PLBD1: variants seen among roughly 807,000 people sequenced by gnomAD.
The protein encoded by PLBD1 is phospholipase B domain containing 1.
Under a neutral mutation model 63.0 loss-of-function variants are expected in PLBD1, and 60 were observed. The ratio of observed to expected loss-of-function variants is 0.95; its 90% CI spans 0.77 to 1.18. PLBD1 has a LOEUF of 1.18. Among genes scored for constraint, PLBD1 ranks in the 50% most tolerant of loss-of-function variants. The pLI, the probability that PLBD1 is intolerant of heterozygous loss-of-function variation, is 0.00. For missense variants in PLBD1, 598 were observed against 677.9 expected (o/e 0.88, Z 1.31); for synonymous variants, 262 against 248.0 (o/e 1.06, Z -0.53).
intron 6 of PLBD1, among the ~76,000 whole-genome samples, chr12:14,535,112 A>C (rs1168657358): frequency 6.6e-6 from 1 of 152,240 alleles, no homozygotes; most frequent in Non-Finnish European, 1.5e-5. Context: ...TAGCACATAC[A>C]GTATCCAGTA....
intron 4 of PLBD1, among the ~76,000 whole-genome samples, chr12:14,540,376 T>C (rs1945562397): frequency 6.6e-6 from 1 of 151,888 alleles, no homozygotes; most frequent in African/African-American, 2.4e-5. Context: ...TGTGTGGATA[T>C]GTGTTTATGT....
chr12:14,507,668 A>G (rs951771678), intron 8 of PLBD1, among the ~76,000 whole-genome samples: 5 of 152,100 alleles, frequency 3.3e-5, no homozygotes, highest in Non-Finnish European at 7.4e-5. Context: ...TTTTTGAAAG[A>G]CGTCAATGGG....
In PLBD1 at chr12:14,511,347, G is replaced by C. The variant is rs778824843; in HGVS notation, c.1099C>G (p.His367Asp). 6.2e-7 allele frequency: 1 copy of C among 1,613,280 alleles called. No homozygotes were observed. The highest frequency in any genetic ancestry group is 8.5e-7 in the Non-Finnish European group (1 of 1,179,502). The change falls in exon 8 of 11, where the codon CAC (histidine) becomes GAC (aspartate). Residue 367 changes from histidine to aspartate, a missense_variant. By Grantham distance (81) the His-to-Asp change is moderately conservative. Transcript: ENST00000240617. ...VLDLKKVKLNHSLDKGTLYIV... is the reference protein window; with the variant it reads ...VLDLKKVKLNDSLDKGTLYIV... ...TACAGAGTGCCTTTGTCAAGACTGT[G>C]GTTCAGCTTTACTTTCTTCAGGTCC...
chr12:14,542,165 C>T (rs1592005243), intron 3 of PLBD1, 43 bp downstream of exon 3: 1 of 1,502,984 alleles, frequency 6.7e-7, no homozygotes, highest in Non-Finnish European at 9.2e-7. Context: ...TTCAGTGCCT[C>T]CAACATTTAA....
At chr12:14,506,847 C>T (rs1280800402) in intron 9 of PLBD1, 86 bp downstream of exon 9, 2 of 1,203,584 alleles carry the variant, frequency 1.7e-6, no homozygotes, top group South Asian at 1.5e-5. Flanking sequence ...CCTTCTAGTA[C>T]AGAGATGATA....
At chr12:14,513,187 T>C (rs1945311667) in intron 6 of PLBD1, among the ~76,000 whole-genome samples, 1 of 152,212 alleles carries the variant, frequency 6.6e-6, no homozygotes, top group South Asian at 2.1e-4. Context: ...TTTTGATATC[T>C]GACAAGGAAA....
chr12:14,566,893 G>A (rs1472599445), intron 1 of PLBD1, among the ~76,000 whole-genome samples: 1 of 151,646 alleles, frequency 6.6e-6, no homozygotes, highest in East Asian at 1.9e-4. Flanking sequence ...TCAGGCGTTC[G>A]AGACCAGCCT....
intron 10 of PLBD1, 66 bp from the exon 11 acceptor site, chr12:14,504,020 C>T (rs1945227750): frequency 2.1e-6 from 3 of 1,425,468 alleles, no homozygotes; most frequent in Non-Finnish European, 2.9e-6. Context: ...AATCCATGGC[C>T]TTCCCCACTC....
chr12:14,516,454 GGT>G (rs1945337602), intron 6 of PLBD1, among the ~76,000 whole-genome samples: 1 of 152,150 alleles, frequency 6.6e-6, no homozygotes, highest in African/African-American at 2.4e-5. Context: ...ATGCTAGGAT[GGT>G]CTAGGGTGCT....
intron 1 of PLBD1, chr12:14,554,351 G>C (rs1945684143): frequency 6.6e-6 from 1 of 152,084 alleles, no homozygotes; most frequent in Non-Finnish European, 1.5e-5. Context: ...CTCGGCAGTA[G>C]CTTCTCCCCC....
intron 2 of PLBD1, among the ~76,000 whole-genome samples, chr12:14,545,594 C>T (rs1945610850): frequency 2.6e-5 from 4 of 152,168 alleles, no homozygotes; most frequent in Admixed American, 6.5e-5. Flanking sequence ...TGATGCTTTT[C>T]ACTGATGTAG....
intron 6 of PLBD1, among the ~76,000 whole-genome samples, chr12:14,520,393 A>G (rs922421607): frequency 2.0e-5 from 3 of 152,244 alleles, no homozygotes; most frequent in Non-Finnish European, 2.9e-5. Context: ...GAGGAAGGAC[A>G]TTGGTTGCTG....
chr12:14,551,602 C>T (rs1460184965), intron 2 of PLBD1, among the ~76,000 whole-genome samples: 1 of 152,114 alleles, frequency 6.6e-6, no homozygotes, highest in Non-Finnish European at 1.5e-5. Flanking sequence ...TGTCAAAGCC[C>T]ACTAAATCTC....
At chr12:14,520,487 A>G (rs1945366410) in intron 6 of PLBD1, among the ~76,000 whole-genome samples, 1 of 147,060 alleles carries the variant, frequency 6.8e-6, no homozygotes, top group South Asian at 2.1e-4. Context: ...AAAGTAAAAC[A>G]AGTGACTTCA....
At chr12:14,535,549 T>C (rs2136920177) in intron 6 of PLBD1, 110 bp downstream of exon 6, 2 of 1,182,172 alleles carry the variant, frequency 1.7e-6, no homozygotes, top group Non-Finnish European at 1.2e-6. Flanking sequence ...TTTGTTAATA[T>C]ATACTAACCA....
intron 1 of PLBD1, among the ~76,000 whole-genome samples, chr12:14,555,757 C>T (rs746499192): frequency 6.6e-6 from 1 of 152,174 alleles, no homozygotes; most frequent in Non-Finnish European, 1.5e-5. Flanking sequence ...TGGTTAGCCA[C>T]CTAGCAATCT....
chr12:14,558,329 G>A (rs1413482632), intron 1 of PLBD1, among the ~76,000 whole-genome samples: 1 of 152,096 alleles, frequency 6.6e-6, no homozygotes, highest in African/African-American at 2.4e-5. Flanking sequence ...AATAAACTGC[G>A]GGTGACAAAT....
chr12:14,540,813 T>C lies in PLBD1; in HGVS notation c.509A>G (p.Asp170Gly), dbSNP rs1194430397. Residue 170 changes from aspartate (D) to glycine (G), a missense_variant, in exon 4 of 11, where the codon GAT becomes GGT. Coordinates refer to ENST00000240617, the MANE Select transcript of PLBD1 (RefSeq NM_024829.6). ...RHTGYVMAQI[D>G]GLYVGAKKRA... ...CTTCTTTGCTCCTACATAGAGGCCA[T>C]CTATTTGTGCCATCACATAGCCTGT... 3 of 1,610,866 alleles carry C rather than the reference T, an allele frequency of 1.9e-6. No homozygotes were observed. The highest frequency in any genetic ancestry group is 2.5e-6 in the Non-Finnish European group (3 of 1,177,726).
In PLBD1 at chr12:14,511,706, A is replaced by G. The variant is rs1379332500; in HGVS notation, c.850T>C (p.Leu284=). 5.0e-6 allele frequency: 8 copies of G among 1,613,848 alleles called. No homozygotes were observed. In the African/African-American group the frequency reaches 6.7e-5, roughly 13 times the overall value. The change falls in exon 7 of 11, where the codon TTG becomes CTG. Residue 284 remains leucine, a synonymous_variant. Transcript: ENST00000240617. ...ATGTAAAAATCATCCAGAGACTCCA[A>G]AAACCCTACAGGAAAGACAAATATA... ...RLSFSSYPGF[L]ESLDDFYILS... is the part of the protein sequence containing the mutation.
Sources: allele counts gnomAD v4.1 joint callset (sites outside exome capture counted in the v4.1 genomes callset), GRCh38; gene constraint gnomAD v4.1.1; transcripts MANE v1.5; gene names NCBI Gene and HGNC (gene_info 2026-07-23, HGNC 2026-07-21).